Variants in SATB1 observed in about 807,000 individuals in gnomAD.
The protein encoded by SATB1 is DNA-binding protein SATB1.
A neutral mutation model predicts 86.9 loss-of-function variants in SATB1; 11 were observed. The ratio of observed to expected loss-of-function variants is 0.13; its 90% CI spans 0.08 to 0.21. SATB1 has a LOEUF of 0.21. SATB1 is among the 10% of genes least tolerant of loss of function. The pLI, the probability that SATB1 is intolerant of heterozygous loss-of-function variation, is 1.00. For synonymous variants in SATB1, 357 were observed against 357.2 expected, an observed-to-expected ratio of 1.00 and a Z score of 0.01; for missense variants, 551 against 937.6, an observed-to-expected ratio of 0.59 and a Z score of 5.39.
At chr3:18,414,779 C>T (rs1055692696) in intron 5 of SATB1, among the ~76,000 whole-genome samples, 1 of 152,072 alleles carries the variant, frequency 6.6e-6, no homozygotes, top group Non-Finnish European at 1.5e-5. Flanking sequence ...ACCACCTCGA[C>T]TCTTTCTTAA....
rs577836006 is a variant in SATB1, at chr3:18,435,429, T to C, written c.-25+1360A>G. Among the ~76,000 whole-genome samples the C allele has an allele frequency of 2.0e-5, 3 of 152,328 alleles. No homozygotes were observed. In the South Asian group the frequency reaches 6.2e-4, roughly 32 times the overall value. On this transcript the variant is annotated intron_variant, in intron 2 of 3. Coordinates refer to the SATB1 transcript ENST00000414509. ...AATTTTAATCATTTCTGAATTTTAA[T>C]ACCCGGCTCCTTTTGTAATTCTCCT...
At chr3:18,370,204 A>G (rs1335310288) in intron 9 of SATB1, among the ~76,000 whole-genome samples, 1 of 152,166 alleles carries the variant, frequency 6.6e-6, no homozygotes, top group Admixed American at 6.5e-5. Flanking sequence ...AAAGCAACAA[A>G]GCATATTTTG....
chr3:18,358,136 CAGA>C (rs962282676), intron 9 of SATB1, among the ~76,000 whole-genome samples: 1 of 151,792 alleles, frequency 6.6e-6, no homozygotes, highest in Non-Finnish European at 1.5e-5. Context: ...AACTATTTTC[CAGA>C]AGGTCATTAT....
chr3:18,443,664 G>T (rs1040512191), upstream of SATB1, among the ~76,000 whole-genome samples: 5 of 152,166 alleles, frequency 3.3e-5, no homozygotes, highest in Non-Finnish European at 5.9e-5. The surrounding 1 kb of genome is among the most constrained non-coding windows in gnomAD (Gnocchi z 4.4). Flanking sequence ...CCTGCCACCT[G>T]CCTGCTTCGT....
rs868365781 is a variant in SATB1 at position 18,425,158 on chromosome 3, C to T, written c.-1556G>A. ...CTGCTCCTGCTGCTGCTGCCGCCGC[C>T]GCCGCCGCTGCCGCTGTGGGTGCCT... On this transcript the variant is annotated 5_prime_UTR_variant, in exon 1 of 11. Transcript: ENST00000338745. 1.1e-5 allele frequency: 2 copies of T among 176,212 alleles called. No homozygotes were observed. The highest frequency in any genetic ancestry group is 2.1e-3 in the Middle Eastern group (1 of 480). The allele number at this position is 176,212 out of a possible 1,614,324, so 10.9% of individuals were successfully genotyped here. A position where few individuals can be genotyped will look rare whatever the true frequency, so the allele number is the denominator to read the frequency against.
upstream of SATB1, among the ~76,000 whole-genome samples, chr3:18,426,987 G>C (rs916619979): frequency 6.6e-6 from 1 of 152,108 alleles, no homozygotes; most frequent in Non-Finnish European, 1.5e-5. The surrounding 1 kb of genome is among the most constrained non-coding windows in gnomAD (Gnocchi z 4.2). Context: ...AAACCAGAAA[G>C]GTTAGCCAAA....
chr3:18,445,579 CTTGTTGT>C (rs1699374595), exon 1 of SATB1: 11 of 972,834 alleles, frequency 1.1e-5, no homozygotes, highest in African/African-American at 1.8e-5. Flanking sequence ...CCTCTTGTTG[CTTGTTGT>C]TTGGCTGGGT....
rs1483929696 is a variant in SATB1 at position 18,394,567 on chromosome 3, G to T, written c.1101C>A (p.Thr367=). Reference sequence around the variant, plus strand: ...AGATTTCGGAAGACACCTCTGTGTTGGTCGAAACCTGTTGCTCCAAAGGCT... The same window carrying T: ...AGATTTCGGAAGACACCTCTGTGTTTGTCGAAACCTGTTGCTCCAAAGGCT... ...MNKPLEQQVS[T]NTEVSSEIYQ... Residue 367 remains threonine (T), a synonymous_variant, in exon 7 of 11, where the codon ACC becomes ACA. Coordinates refer to ENST00000338745, the MANE Select transcript of SATB1 (RefSeq NM_002971.6). The surrounding 1 kb of genome is among the most constrained non-coding windows in gnomAD (Gnocchi z 5.9). 1 of 1,614,114 alleles carries T rather than the reference G, an allele frequency of 6.2e-7. No individual in the cohort carries two copies. Among genetic ancestry groups the T allele is most frequent in the African/African-American group, 1.3e-5 (1 of 75,020 alleles).
chr3:18,416,688 T>C (rs1216812123), intron 3 of SATB1, among the ~76,000 whole-genome samples: 1 of 151,948 alleles, frequency 6.6e-6, no homozygotes, highest in Non-Finnish European at 1.5e-5. Context: ...GCTGAAGTAA[T>C]TTAAAAAAAA....
intron 7 of SATB1, among the ~76,000 whole-genome samples, chr3:18,390,878 T>C (rs1380973958): frequency 1.3e-5 from 2 of 152,128 alleles, no homozygotes; most frequent in Non-Finnish European, 2.9e-5. Flanking sequence ...AACCATTAAA[T>C]AGCAATAAGA....
In SATB1 at chr3:18,433,413, T is replaced by C. The variant is rs140238525; in HGVS notation, c.-25+3376A>G. 4.6e-5 allele frequency among the ~76,000 whole-genome samples: 7 copies of C among 152,274 alleles called. No individual in the cohort carries two copies. The East Asian group carries it at 1.3e-3, about 29-fold the overall frequency. ...TTGTTTAAAAAAACGCTTTCAAATT[T>C]AATCAGCTCAGTTACTTTTTTAGTG... On this transcript the variant is annotated intron_variant, in intron 2 of 3. Transcript: ENST00000414509.
chr3:18,366,018 T>C (rs1049608796), intron 9 of SATB1, among the ~76,000 whole-genome samples: 2 of 152,222 alleles, frequency 1.3e-5, no homozygotes, highest in Non-Finnish European at 2.9e-5. Context: ...CTTCACTTCC[T>C]TGACCTTGTT....
intron 9 of SATB1, among the ~76,000 whole-genome samples, chr3:18,367,670 G>A (rs1434653485): frequency 1.3e-5 from 2 of 152,134 alleles, no homozygotes; most frequent in Non-Finnish European, 2.9e-5. Flanking sequence ...TCTTTGTACT[G>A]AGAATACTGA....
chr3:18,417,168 A>G, intron 2 of SATB1, 90 bp from the exon 3 acceptor site: 3 of 1,323,372 alleles, frequency 2.3e-6, no homozygotes, highest in Non-Finnish European at 3.2e-6. Flanking sequence ...TAGCCATGAA[A>G]ATAAATAATC....
intron 5 of SATB1, among the ~76,000 whole-genome samples, chr3:18,398,485 G>A (rs138754645): frequency 6.6e-6 from 1 of 152,224 alleles, no homozygotes; most frequent in Admixed American, 6.5e-5. Flanking sequence ...AACCAGAAAA[G>A]CCAGTTTGGG....
At chr3:18,379,112 A>C (rs1157614076) in intron 8 of SATB1, among the ~76,000 whole-genome samples, 1 of 152,236 alleles carries the variant, frequency 6.6e-6, no homozygotes, top group Non-Finnish European at 1.5e-5. Flanking sequence ...ATATTCAAAA[A>C]GTACAATCTT....
chr3:18,419,671 T>C (rs1362955340), intron 2 of SATB1, among the ~76,000 whole-genome samples: 1 of 152,210 alleles, frequency 6.6e-6, no homozygotes, highest in Non-Finnish European at 1.5e-5. Context: ...ATTATATTTT[T>C]AATGCTCTTA....
At chr3:18,401,780 T>G (rs960624249) in intron 5 of SATB1, among the ~76,000 whole-genome samples, 1 of 152,154 alleles carries the variant, frequency 6.6e-6, no homozygotes, top group Admixed American at 6.5e-5. Flanking sequence ...TGTAAGCTTT[T>G]CTAAGATCCA....
intron 2 of SATB1, 68 bp downstream of exon 2, chr3:18,420,689 C>T: frequency 3.2e-6 from 4 of 1,264,792 alleles, no homozygotes; most frequent in East Asian, 4.6e-5. Context: ...ACTCCACCCC[C>T]ACACAGTGTG....
Sources: gnomAD v4.1 joint callset for allele counts (sites outside exome capture counted in the v4.1 genomes callset) on GRCh38, gnomAD v4.1.1 for gene constraint, Gnocchi (gnomAD v3.1) non-coding constraint, MANE v1.5 for transcripts, NCBI Gene and HGNC (gene_info 2026-07-23, HGNC 2026-07-21) for gene names.